Variants in PDE4B observed in about 807,000 individuals in gnomAD.
PDE4B encodes phosphodiesterase 4B, also known as 3',5'-cyclic-AMP phosphodiesterase 4B.
A neutral mutation model predicts 82.2 loss-of-function variants in PDE4B; 20 were observed. The observed-to-expected ratio is 0.24, with a 90% CI of 0.17 to 0.35. PDE4B has a LOEUF of 0.35. Ranked by LOEUF, PDE4B falls within the 10% of genes least tolerant of loss-of-function variation. PDE4B has a pLI of 1.00. For synonymous variants in PDE4B, 320 were observed against 318.9 expected (o/e 1.00, Z -0.04); for missense variants, 655 against 907.2 (o/e 0.72, Z 3.57).
intron 3 of PDE4B, among the ~76,000 whole-genome samples, chr1:66,187,655 T>A (rs1448688722): frequency 3.9e-5 from 6 of 152,244 alleles, no homozygotes; most frequent in African/African-American, 1.4e-4. Flanking sequence ...TGGTAGTTGG[T>A]ATTTCTGTGG....
At chr1:65,980,449 A>G (rs1309532681) in intron 3 of PDE4B, among the ~76,000 whole-genome samples, 12 of 152,190 alleles carry the variant, frequency 7.9e-5, no homozygotes, top group Admixed American at 7.9e-4. Flanking sequence ...ACATTTTCTT[A>G]GCTATAAAAA....
At chr1:65,982,147 A>T (rs183615066) in intron 3 of PDE4B, among the ~76,000 whole-genome samples, 1 of 152,320 alleles carries the variant, frequency 6.6e-6, no homozygotes, top group Non-Finnish European at 1.5e-5. Context: ...GATGTTTCTG[A>T]TGAAGTTTCA....
At chr1:66,277,488 T>C in intron 7 of PDE4B, among the ~76,000 whole-genome samples, 1 of 152,176 alleles carries the variant, frequency 6.6e-6, no homozygotes, top group East Asian at 1.9e-4. Context: ...CTCCACCTTG[T>C]GGGTTCAACC....
chr1:65,890,573 G>A lies in PDE4B; in HGVS notation c.-70-22672G>A, dbSNP rs139119725. ...AATGTACTTTCACTCTAGCTTTGGAGACAGAATAAACAAGTTAACCAATTA... is the reference window on the plus strand; with the variant it reads ...AATGTACTTTCACTCTAGCTTTGGAAACAGAATAAACAAGTTAACCAATTA... On this transcript the variant is annotated intron_variant, in intron 1 of 16. Transcript: ENST00000341517. Among the ~76,000 whole-genome samples, 1,231 of 152,084 alleles carry A rather than the reference G, an allele frequency of 8.1e-3. 15 individuals carry two copies. The highest frequency in any genetic ancestry group is 0.025 in the African/African-American group (1,038 of 41,506).
In PDE4B at chr1:66,153,611, T is replaced by C. The variant is rs116247158; in HGVS notation, c.282-93849T>C. On this transcript the variant is annotated intron_variant, in intron 3 of 16. Coordinates refer to ENST00000341517, the MANE Select transcript of PDE4B (RefSeq NM_002600.4). ...GTGCTGTGCTAGCTTCTCAGGAATA[T>C]GAAGATTAATTAGACAAGTTTCCAG... Among the ~76,000 whole-genome samples the C allele has an allele frequency of 1.5e-3, 231 of 152,304 alleles. 1 individual carries two copies. The highest frequency in any genetic ancestry group is 5.2e-3 in the African/African-American group (216 of 41,548).
chr1:66,225,442 A>C (rs923330763), intron 3 of PDE4B, among the ~76,000 whole-genome samples: 32 of 152,312 alleles, frequency 2.1e-4, no homozygotes, highest in African/African-American at 7.2e-4. Flanking sequence ...ATTTTTCCAC[A>C]TATTTTATAA....
chr1:65,813,040 C>A (rs979357455), intron 1 of PDE4B, among the ~76,000 whole-genome samples: 1 of 152,086 alleles, frequency 6.6e-6, no homozygotes, highest in Non-Finnish European at 1.5e-5. Context: ...GATACTAAAA[C>A]TGGAACGAGA....
At chr1:65,848,344 C>A (rs575242114) in intron 1 of PDE4B, among the ~76,000 whole-genome samples, 1 of 152,068 alleles carries the variant, frequency 6.6e-6, no homozygotes, top group Non-Finnish European at 1.5e-5. Context: ...CGGGATTTCA[C>A]CATGTTGGCC....
intron 3 of PDE4B, among the ~76,000 whole-genome samples, chr1:66,085,883 T>G (rs569759555): frequency 2.7e-4 from 41 of 152,268 alleles, no homozygotes; most frequent in African/African-American, 9.6e-4. Context: ...TCTTTGATGA[T>G]GAGGAGCTCA....
Position 66,296,036 on chromosome 1 carries a change from C to A in PDE4B, c.634+29949C>A, listed in dbSNP as rs370375784. On this transcript the variant is annotated intron_variant, in intron 7 of 16. Coordinates refer to ENST00000341517, the MANE Select transcript of PDE4B (RefSeq NM_002600.4). ...CTCCAATTCCCCTTTGTTCATCAGGCTAATGCCCGCTGGTTTAGACCCAAT... is the reference window on the plus strand; with the variant it reads ...CTCCAATTCCCCTTTGTTCATCAGGATAATGCCCGCTGGTTTAGACCCAAT... 3.2e-4 allele frequency among the ~76,000 whole-genome samples: 48 copies of A among 152,186 alleles called. 1 individual carries two copies. The South Asian group carries it at 3.9e-3, about 12-fold the overall frequency.
At chr1:65,888,169 C>T (rs1007170230) in intron 1 of PDE4B, among the ~76,000 whole-genome samples, 13 of 152,008 alleles carry the variant, frequency 8.6e-5, no homozygotes, top group South Asian at 2.1e-4. Context: ...CTGCATGTGG[C>T]GACCAATTTT....
At chr1:66,165,792 A>T (rs1005822394) in intron 3 of PDE4B, among the ~76,000 whole-genome samples, 4 of 152,148 alleles carry the variant, frequency 2.6e-5, no homozygotes, top group Non-Finnish European at 4.4e-5. Context: ...GGAAGACTCA[A>T]ATTTTAAGAT....
intron 3 of PDE4B, among the ~76,000 whole-genome samples, chr1:66,212,372 A>G (rs1650118323): frequency 6.6e-6 from 1 of 152,118 alleles, no homozygotes; most frequent in African/African-American, 2.4e-5. Context: ...TCCTCATGCC[A>G]TGCCAGCCTT....
At chr1:65,922,122 C>T (rs1210658699) in intron 3 of PDE4B, among the ~76,000 whole-genome samples, 1 of 152,160 alleles carries the variant, frequency 6.6e-6, no homozygotes, top group Non-Finnish European at 1.5e-5. Flanking sequence ...AGAAAGGACT[C>T]AAGCCCAGTT....
At chr1:66,203,534 C>G (rs532959261) in intron 3 of PDE4B, among the ~76,000 whole-genome samples, 170 of 152,264 alleles carry the variant, frequency 1.1e-3, no homozygotes, top group Non-Finnish European at 1.6e-3. Context: ...GTCTTGGAGA[C>G]TTTGTTCGTT....
At chr1:66,317,086 A>G (rs553037824) in intron 7 of PDE4B, among the ~76,000 whole-genome samples, 95 of 152,330 alleles carry the variant, frequency 6.2e-4, no homozygotes, top group African/African-American at 2.2e-3. Context: ...TTTATATTTC[A>G]TTGGAAGTTC....
chr1:66,022,897 T>G (rs1653218043), intron 3 of PDE4B, among the ~76,000 whole-genome samples: 1 of 152,208 alleles, frequency 6.6e-6, no homozygotes, highest in South Asian at 2.1e-4. Flanking sequence ...CAGTTCCTCT[T>G]TGTACCTCTG....
chr1:66,182,867 C>T (rs1647099492), intron 3 of PDE4B, among the ~76,000 whole-genome samples: 1 of 152,186 alleles, frequency 6.6e-6, no homozygotes, highest in African/African-American at 2.4e-5. Flanking sequence ...TTCTCCTTTA[C>T]TGAATTTTAA....
At chr1:65,917,426 G>A (rs746213400) in intron 2 of PDE4B, among the ~76,000 whole-genome samples, 2 of 152,160 alleles carry the variant, frequency 1.3e-5, no homozygotes, top group Non-Finnish European at 1.5e-5. Flanking sequence ...TAGGACTTCC[G>A]TTATTCCCTG....
Sources: gnomAD v4.1 joint callset for allele counts (sites outside exome capture counted in the v4.1 genomes callset) on GRCh38, gnomAD v4.1.1 for gene constraint, MANE v1.5 for transcripts, NCBI Gene and HGNC (gene_info 2026-07-23, HGNC 2026-07-21) for gene names.